The following PIK3C2B variants were observed in gnomAD, a reference collection of about 807,000 sequenced individuals.
PIK3C2B encodes the protein phosphatidylinositol 4-phosphate 3-kinase C2 domain-containing subunit beta.
A neutral mutation model predicts 184.3 loss-of-function variants in PIK3C2B; 83 were observed. The ratio of observed to expected loss-of-function variants is 0.45; its 90% confidence interval spans 0.38 to 0.54. PIK3C2B has a LOEUF of 0.54. Ranked by LOEUF, PIK3C2B falls within the 20% of genes least tolerant of loss-of-function variation. The probability of loss-of-function intolerance (pLI) is 0.00; values close to 1 mark genes in which losing one functional copy is unlikely to be tolerated. For missense variants in PIK3C2B, 1,736 were observed against 2,113.5 expected, an observed-to-expected ratio of 0.82 and a Z score of 3.50; for synonymous variants, 779 against 837.6, an observed-to-expected ratio of 0.93 and a Z score of 1.21.
intron 29 of PIK3C2B, 133 bp downstream of exon 29, chr1:204,429,788 G>A (rs1201417367): frequency 4.5e-6 from 3 of 667,612 alleles, no homozygotes; most frequent in Non-Finnish European, 8.1e-6. Flanking sequence ...CTGGAGCATT[G>A]GTCATTCAGC....
chr1:204,444,948 G>C (rs1653720555), intron 16 of PIK3C2B, among the ~76,000 whole-genome samples: 1 of 152,174 alleles, frequency 6.6e-6, no homozygotes, highest in Non-Finnish European at 1.5e-5. Flanking sequence ...ACATGGATAG[G>C]TACATTTTGA....
chr1:204,459,872 A>G lies in PIK3C2B; in HGVS notation c.1566+6T>C. On this transcript the variant is annotated splice_donor_region_variant and intron_variant, in intron 8 of 32. Coordinates refer to ENST00000684373, the MANE Select transcript of PIK3C2B (RefSeq NM_001377334.1). ...CAGCAGGGCCAGCCCCTGGATTCGT[A>G]CTCACATCAGCCAGCAGGAAGGCAT... The G allele has an allele frequency of 3.1e-6, 5 of 1,612,156 alleles. No individual in the cohort carries two copies. Among genetic ancestry groups the G allele is most frequent in the Non-Finnish European group, 4.2e-6 (5 of 1,178,764 alleles).
intron 13 of PIK3C2B, among the ~76,000 whole-genome samples, chr1:204,449,567 C>T (rs1040819492): frequency 6.6e-6 from 1 of 152,164 alleles, no homozygotes; most frequent in Non-Finnish European, 1.5e-5. Context: ...TAGATGACCT[C>T]TAAGGTTCTT....
Position 204,447,918 on chromosome 1 carries a change from G to A in PIK3C2B, c.2347-340C>T, listed in dbSNP as rs147762755. Among the ~76,000 whole-genome samples, 447 of 152,190 alleles carry A rather than the reference G, an allele frequency of 2.9e-3. 3 individuals carry two copies. Among genetic ancestry groups the A allele is most frequent in the African/African-American group, 0.01 (431 of 41,534 alleles). ...CACGGGGTGCATCCAGGCTGAGTCC[G>A]GGGTGACTTCCATGGGGTGCCAGAG... is the stretch of plus-strand genomic sequence containing the variant. On this transcript the variant is annotated intron_variant, in intron 14 of 32. Transcript: ENST00000684373. This position sits in a 1 kb window ranked among gnomAD's most constrained non-coding sequence, Gnocchi z 4.1.
Position 204,424,675 on chromosome 1 carries a change from G to A in PIK3C2B, c.*177C>T, listed in dbSNP as rs1191864221. 1 of 769,288 alleles carries A rather than the reference G, an allele frequency of 1.3e-6. No homozygotes were observed. Among genetic ancestry groups the A allele is most frequent in the Non-Finnish European group, 2.4e-6 (1 of 424,232 alleles). The allele number at this position is 769,288 out of a possible 1,614,324, so 47.7% of individuals were successfully genotyped here. On this transcript the variant is annotated 3_prime_UTR_variant, in exon 33 of 33. Transcript: ENST00000684373. ...CCCAAGTTCAGTCTCCAGAGGAAGA[G>A]ACAGCAGAGCATGTCTTACTCTCCC...
intron 1 of PIK3C2B, among the ~76,000 whole-genome samples, chr1:204,483,593 T>C (rs1205558714): frequency 6.6e-6 from 1 of 152,150 alleles, no homozygotes; most frequent in Non-Finnish European, 1.5e-5. Context: ...CATGGAATGG[T>C]TATGGGTCAT....
chr1:204,472,438 C>T lies in PIK3C2B; in HGVS notation c.-84-2552G>A, dbSNP rs370601786. ...TCGGCCTCCCAAAGTTCTGGGATTA[C>T]AGGCGTGAGCCACCGCACCCGGCCC... On this transcript the variant is annotated intron_variant, in intron 1 of 32. Coordinates refer to ENST00000684373, the MANE Select transcript of PIK3C2B (RefSeq NM_001377334.1). 3.7e-3 allele frequency among the ~76,000 whole-genome samples: 564 copies of T among 151,718 alleles called. 5 individuals carry two copies. Among genetic ancestry groups the T allele is most frequent in the African/African-American group, 0.013 (526 of 41,456 alleles).
intron 23 of PIK3C2B, 26 bp from the exon 24 acceptor site, chr1:204,434,634 G>A (rs1226563673): frequency 4.4e-6 from 7 of 1,592,928 alleles, no homozygotes; most frequent in African/African-American, 1.3e-5. Flanking sequence ...GCAGATGGGA[G>A]GAGAGGACAT....
Position 204,468,867 on chromosome 1 carries a change from C to T in PIK3C2B, c.933+3G>A, listed in dbSNP as rs766409173. 1.3e-6 allele frequency: 2 copies of T among 1,575,792 alleles called. No individual in the cohort carries two copies. The highest frequency in any genetic ancestry group is 1.8e-5 in the Admixed American group (1 of 56,400). ...GGCAGAAGAAACACAAGAAGGTCCTCACCGGGGCTGCAGAAATCCGGCGGT... is the reference window on the plus strand; with the variant it reads ...GGCAGAAGAAACACAAGAAGGTCCTTACCGGGGCTGCAGAAATCCGGCGGT... On this transcript the variant is annotated splice_donor_region_variant and intron_variant, in intron 2 of 32. Transcript: ENST00000684373.
intron 2 of PIK3C2B, among the ~76,000 whole-genome samples, chr1:204,466,171 G>A (rs1390992204): frequency 6.6e-6 from 1 of 152,166 alleles, no homozygotes; most frequent in Non-Finnish European, 1.5e-5. Context: ...AGGGAGAGCT[G>A]GTGCATGACA....
chr1:204,479,169 T>C (rs1320839071), intron 1 of PIK3C2B, among the ~76,000 whole-genome samples: 1 of 152,186 alleles, frequency 6.6e-6, no homozygotes, highest in Non-Finnish European at 1.5e-5. Context: ...GAAGAAAAGC[T>C]TTGGCAGTAC....
intron 15 of PIK3C2B, 63 bp from the exon 16 acceptor site, chr1:204,446,207 T>A (rs1271066149): frequency 7.5e-6 from 9 of 1,204,130 alleles, no homozygotes; most frequent in Non-Finnish European, 1.1e-5. Context: ...GAGAACAGCA[T>A]CAGCCAGGGG....
rs1412830488 is a variant in PIK3C2B at position 204,455,862 on chromosome 1, G to T, written c.1937C>A (p.Ala646Asp). ...TACTCAGCCCTGGGCTCACCTGGTA[G>T]CCCAGATGATGGGGATGCGGTGGGT... ...YATHRIPIIW[A>D]TSYEDFYLSC... is the part of the protein sequence containing the mutation. Residue 646 changes from alanine to aspartate, a missense_variant, in exon 11 of 33, where the codon GCT (alanine) becomes GAT (aspartate). Ala to Asp is a moderately radical substitution (Grantham distance 126). Transcript: ENST00000684373. The T allele has an allele frequency of 6.2e-7, 1 of 1,610,878 alleles. No individual in the cohort carries two copies. The highest frequency in any genetic ancestry group is 8.5e-7 in the Non-Finnish European group (1 of 1,178,138).
chr1:204,492,983 T>G (rs765466853), intron 1 of PIK3C2B, among the ~76,000 whole-genome samples: 1 of 152,154 alleles, frequency 6.6e-6, no homozygotes. Context: ...AATTTTTCCA[T>G]GGACACAACC....
intron 1 of PIK3C2B, among the ~76,000 whole-genome samples, chr1:204,482,109 C>G (rs1018525825): frequency 7.5e-6 from 1 of 132,546 alleles, no homozygotes; most frequent in Non-Finnish European, 1.5e-5. Context: ...CATGAAAAGA[C>G]GGGGGGGGGG....
chr1:204,441,905 A>T (rs1675683959), intron 20 of PIK3C2B, among the ~76,000 whole-genome samples: 1 of 152,182 alleles, frequency 6.6e-6, no homozygotes, highest in South Asian at 2.1e-4. Flanking sequence ...TCCCAATAGT[A>T]CCAACATCCT....
chr1:204,454,669 T>A lies in PIK3C2B; in HGVS notation c.2066A>T (p.Gln689Leu). Reference protein sequence around the residue: ...YLFHLIVWDQQICFPVQVNRL... With the variant: ...YLFHLIVWDQLICFPVQVNRL... ...ACTGAAGCCTGGGGGAAGGGCTTAC[T>A]GCTGGTCCCAGACGATGAGGTGGAA... Residue 689 changes from glutamine (Q) to leucine (L), a missense_variant and splice_region_variant, in exon 12 of 33, where the codon CAG becomes CTG. Physicochemically the swap from Gln to Leu is moderately radical, Grantham distance 113. Coordinates refer to ENST00000684373, the MANE Select transcript of PIK3C2B (RefSeq NM_001377334.1). The A allele has an allele frequency of 6.2e-7, 1 of 1,612,254 alleles. No homozygotes were observed. Among genetic ancestry groups the A allele is most frequent in the Non-Finnish European group, 8.5e-7 (1 of 1,179,908 alleles).
In PIK3C2B at chr1:204,448,758, G is replaced by A. The variant is rs543370076; in HGVS notation, c.2346+427C>T. Among the ~76,000 whole-genome samples, 8 of 152,242 alleles carry A rather than the reference G, an allele frequency of 5.3e-5. No homozygotes were observed. The East Asian group carries it at 5.8e-4, about 11-fold the overall frequency. On this transcript the variant is annotated intron_variant, in intron 14 of 32. Transcript: ENST00000684373. ...GGGAACTGAGAAGTGCACCTTGGGC[G>A]TGACCAGCTCCTCCTCTTCTCCCTG...
intron 28 of PIK3C2B, among the ~76,000 whole-genome samples, chr1:204,430,432 ACCAC>A (rs970943857): frequency 3.3e-4 from 50 of 149,534 alleles, no homozygotes; most frequent in African/African-American, 1.2e-3. Context: ...TGCAACCTCC[ACCAC>A]CCGGGTTCAA....
Sources: allele counts gnomAD v4.1 joint callset (sites outside exome capture counted in the v4.1 genomes callset), GRCh38; gene constraint gnomAD v4.1.1; non-coding constraint Gnocchi (gnomAD v3.1); transcripts MANE v1.5; gene names NCBI Gene and HGNC (gene_info 2026-07-23, HGNC 2026-07-21).